CNGA1: variants seen among roughly 807,000 people sequenced by gnomAD.
CNGA1 encodes the protein cyclic nucleotide-gated channel alpha-1.
A neutral mutation model predicts 69.7 loss-of-function variants in CNGA1; 53 were observed. The observed-to-expected ratio is 0.76, with a 90% CI of 0.61 to 0.96. The LOEUF (loss-of-function observed/expected upper bound fraction) is 0.96, where lower values mean the gene tolerates loss of function less well. CNGA1 is among the 40% of genes least tolerant of loss of function. The pLI is 0.00. For synonymous variants in CNGA1, 249 were observed against 283.5 expected, an observed-to-expected ratio of 0.88 and a Z score of 1.22; for missense variants, 739 against 811.2, an observed-to-expected ratio of 0.91 and a Z score of 1.08.
At chr4:47,996,996 G>A (rs1439742221) in intron 2 of CNGA1, among the ~76,000 whole-genome samples, 1 of 152,106 alleles carries the variant, frequency 6.6e-6, no homozygotes, top group Admixed American at 6.6e-5. Context: ...GGAGGTGGAG[G>A]TTGCAGTGAG....
chr4:48,011,312 TAA>T (rs552549933), intron 1 of CNGA1, among the ~76,000 whole-genome samples: 1 of 118,900 alleles, frequency 8.4e-6, no homozygotes, highest in Admixed American at 8.2e-5. Flanking sequence ...AAAAAATTAC[TAA>T]AAAAAAAAAA....
chr4:47,997,112 T>C (rs1289039202), intron 2 of CNGA1, among the ~76,000 whole-genome samples: 5 of 152,180 alleles, frequency 3.3e-5, no homozygotes, highest in Non-Finnish European at 5.9e-5. Context: ...TATATAATGT[T>C]GTGCCTTAAA....
intron 1 of CNGA1, among the ~76,000 whole-genome samples, chr4:48,016,272 G>C (rs1169670835): frequency 6.6e-6 from 1 of 152,168 alleles, no homozygotes; most frequent in East Asian, 1.9e-4. Flanking sequence ...CAGCACAGAA[G>C]GGCAAAGTCT....
At chr4:47,939,993 T>A (rs1204433505) in intron 10 of CNGA1, among the ~76,000 whole-genome samples, 1 of 152,188 alleles carries the variant, frequency 6.6e-6, no homozygotes, top group African/African-American at 2.4e-5. Flanking sequence ...TGCATTTTCA[T>A]CTCTCATTCT....
At chr4:47,978,542 G>C (rs914331435) in intron 3 of CNGA1, among the ~76,000 whole-genome samples, 1 of 151,982 alleles carries the variant, frequency 6.6e-6, no homozygotes, top group Non-Finnish European at 1.5e-5. Context: ...TTATTTTGTA[G>C]CCTATCATCT....
chr4:47,940,805 C>G lies in CNGA1; in HGVS notation c.610G>C (p.Asp204His). ...EYWLILDYVS[D>H]IVYLIDMFVR... ...AACATATCGATTAAATAGACTATGT[C>G]TGATACGTAATCCAAAATGAGCCAA... Residue 204 changes from aspartate to histidine, a missense_variant, in exon 10 of 11, where the codon GAC becomes CAC. Asp to His is a moderately conservative substitution (Grantham distance 81, BLOSUM62 -1). Transcript: ENST00000514170. 1 of 1,611,620 alleles carries G rather than the reference C, an allele frequency of 6.2e-7. No individual in the cohort carries two copies. The highest frequency in any genetic ancestry group is 8.5e-7 in the Non-Finnish European group (1 of 1,177,960).
intron 6 of CNGA1, 149 bp from the exon 7 acceptor site, chr4:47,943,561 C>A (rs1739222598): frequency 9.7e-6 from 5 of 517,162 alleles, no homozygotes; most frequent in Non-Finnish European, 1.7e-5. Context: ...AGGTTTCTAC[C>A]CCAAAAAGTG....
At chr4:47,970,864 T>C (rs779504528) in intron 3 of CNGA1, 4 of 453,264 alleles carry the variant, frequency 8.8e-6, no homozygotes, top group South Asian at 6.2e-5. Context: ...CCTTCAAAAA[T>C]ACAGTATGAG....
At chr4:47,965,244 G>A (rs886405848) in intron 3 of CNGA1, among the ~76,000 whole-genome samples, 6 of 152,090 alleles carry the variant, frequency 3.9e-5, no homozygotes, top group African/African-American at 1.4e-4. Context: ...TTTTATTCAT[G>A]TTAGGAAGTT....
At chr4:48,009,262 C>T (rs982421136) in intron 2 of CNGA1, among the ~76,000 whole-genome samples, 9 of 151,896 alleles carry the variant, frequency 5.9e-5, no homozygotes, top group African/African-American at 1.7e-4. Context: ...GTCAGGAGAT[C>T]GAGACCAGCC....
intron 3 of CNGA1, among the ~76,000 whole-genome samples, chr4:47,969,918 A>G (rs1740926327): frequency 1.3e-5 from 2 of 152,234 alleles, no homozygotes. Flanking sequence ...AGATATTAAC[A>G]AAATATATGA....
At chr4:47,977,680 TCC>T in intron 3 of CNGA1, among the ~76,000 whole-genome samples, 2 of 152,204 alleles carry the variant, frequency 1.3e-5, no homozygotes, top group Non-Finnish European at 2.9e-5. Context: ...CTCTAATGTC[TCC>T]AGAACCTTAT....
Position 47,957,983 on chromosome 4 carries a change from C to T in CNGA1, c.-14-5280G>A, listed in dbSNP as rs188445297. On this transcript the variant is annotated intron_variant, in intron 3 of 10. Coordinates refer to ENST00000514170, the MANE Select transcript of CNGA1 (RefSeq NM_001379270.1). ...GATCTCAGCTCACTGCAACCTCCAC[C>T]TCCCGGGTTCAAGTGATTCTCCTGC... Among the ~76,000 whole-genome samples, 398 of 151,184 alleles carry T rather than the reference C, an allele frequency of 2.6e-3. 2 individuals are homozygous for T. The highest frequency in any genetic ancestry group is 0.014 in the Middle Eastern group (4 of 290).
rs755244560 is a variant in CNGA1, at chr4:47,943,270, G to A, written c.348C>T (p.Asn116=). ...TCTTCTCTGGGTCGTTTTTATTTTC[G>A]TTTTTATCATCTGACTTGCTGAAAA... The part of the protein sequence containing the change: ...KEKKSKSDDK[N]ENKNDPEKKK... Residue 116 remains asparagine, a synonymous_variant, in exon 8 of 11, where the codon AAC becomes AAT. Transcript: ENST00000514170. 6.8e-6 allele frequency: 10 copies of A among 1,479,694 alleles called. No individual in the cohort carries two copies. The highest frequency in any genetic ancestry group is 2.9e-5 in the African/African-American group (2 of 69,302). 91.7% of individuals were successfully genotyped at this position (1,479,694 alleles called of 1,614,324 possible). A position where few individuals can be genotyped will look rare whatever the true frequency, so the allele number is the denominator to read the frequency against.
intron 3 of CNGA1, among the ~76,000 whole-genome samples, chr4:47,961,571 C>T (rs1429694990): frequency 6.6e-6 from 1 of 152,034 alleles, no homozygotes; most frequent in East Asian, 1.9e-4. Context: ...AGTGAGATCC[C>T]CATCTCTACT....
intron 2 of CNGA1, among the ~76,000 whole-genome samples, chr4:47,984,447 G>A (rs907627092): frequency 4.6e-5 from 7 of 151,556 alleles, no homozygotes; most frequent in Non-Finnish European, 7.4e-5. Flanking sequence ...GTGAAACCCC[G>A]TCTTTACTAA....
At chr4:47,984,309 A>C (rs1741876713) in intron 2 of CNGA1, among the ~76,000 whole-genome samples, 1 of 152,224 alleles carries the variant, frequency 6.6e-6, no homozygotes, top group East Asian at 1.9e-4. Flanking sequence ...GCCCACTATT[A>C]CTTTTTATAA....
chr4:48,010,844 A>T lies in CNGA1; in HGVS notation c.-173T>A, dbSNP rs1475641526. 2 of 153,760 alleles carry T rather than the reference A, an allele frequency of 1.3e-5. No homozygotes were observed. Among genetic ancestry groups the T allele is most frequent in the Admixed American group, 1.3e-4 (2 of 15,284 alleles). 9.5% of individuals were successfully genotyped at this position (153,760 alleles called of 1,614,324 possible). A position where few individuals can be genotyped will look rare whatever the true frequency, so the allele number is the denominator to read the frequency against. Reference sequence around the variant, plus strand: ...TCAGCAGCAGGTCTGCGATGGCAGCAAACGACAGTGGTGGGCAGTGGTGGA... The same window carrying T: ...TCAGCAGCAGGTCTGCGATGGCAGCTAACGACAGTGGTGGGCAGTGGTGGA... On this transcript the variant is annotated 5_prime_UTR_variant, in exon 2 of 11. Coordinates refer to ENST00000514170, the MANE Select transcript of CNGA1 (RefSeq NM_001379270.1).
chr4:47,983,690 A>G (rs939537196), intron 2 of CNGA1, among the ~76,000 whole-genome samples: 1 of 152,250 alleles, frequency 6.6e-6, no homozygotes, highest in Non-Finnish European at 1.5e-5. Flanking sequence ...GTCTATCTCT[A>G]TGAAATTAAT....
Sources: gnomAD v4.1 joint callset for allele counts (sites outside exome capture counted in the v4.1 genomes callset) on GRCh38, gnomAD v4.1.1 for gene constraint, MANE v1.5 for transcripts, NCBI Gene and HGNC (gene_info 2026-07-23, HGNC 2026-07-21) for gene names.